The following MB variants were observed in gnomAD, a reference collection of about 807,000 sequenced individuals.
MB encodes the protein myoglobin, also known as nitrite reductase MB.
MB carries 10 observed loss-of-function variants against 14.5 expected under a neutral mutation model. The ratio of observed to expected loss-of-function variants is 0.69; its 90% CI spans 0.43 to 1.17. The LOEUF is 1.17. Among genes scored for constraint, MB ranks in the 50% most tolerant of loss-of-function variants. The pLI, the probability that MB is intolerant of heterozygous loss-of-function variation, is 0.00. For missense variants in MB, 169 were observed against 192.7 expected (o/e 0.88, Z 0.73); for synonymous variants, 89 against 78.6 (o/e 1.13, Z -0.70).
chr22:35,617,065 C>T, intron 1 of MB, 98 bp downstream of exon 1: 2 of 888,500 alleles, frequency 2.3e-6, no homozygotes, highest in Non-Finnish European at 3.8e-6. Context: ...CTAATGCAGC[C>T]AACTGACCTA....
At chr22:35,612,791 C>T (rs765948701) in intron 1 of MB, among the ~76,000 whole-genome samples, 3 of 152,182 alleles carry the variant, frequency 2.0e-5, no homozygotes, top group Admixed American at 1.3e-4. Flanking sequence ...AAACTGATAC[C>T]TACATGGACA....
chr22:35,611,869 A>G (rs1922659457), intron 1 of MB, among the ~76,000 whole-genome samples: 1 of 151,968 alleles, frequency 6.6e-6, no homozygotes, highest in Admixed American at 6.5e-5. Flanking sequence ...CCAGCTTTAG[A>G]CCTCAGTCCT....
chr22:35,610,171 C>T (rs1215534611), intron 2 of MB, among the ~76,000 whole-genome samples: 1 of 152,218 alleles, frequency 6.6e-6, no homozygotes, highest in Non-Finnish European at 1.5e-5. Flanking sequence ...GCTCCCTCCT[C>T]TCCCCAAATC....
At chr22:35,614,162 A>C (rs1168033086) in intron 1 of MB, among the ~76,000 whole-genome samples, 1 of 152,152 alleles carries the variant, frequency 6.6e-6, no homozygotes, top group Non-Finnish European at 1.5e-5. Flanking sequence ...CCAATTGGAC[A>C]CTCACATGGA....
At chr22:35,611,537 A>G (rs936651661) in intron 1 of MB, among the ~76,000 whole-genome samples, 1 of 152,148 alleles carries the variant, frequency 6.6e-6, no homozygotes, top group Non-Finnish European at 1.5e-5. Flanking sequence ...TCAGCTGCTT[A>G]AATACCTCTA....
chr22:35,612,086 C>T (rs1922675429), intron 1 of MB, among the ~76,000 whole-genome samples: 1 of 152,166 alleles, frequency 6.6e-6, no homozygotes, highest in Non-Finnish European at 1.5e-5. Context: ...TCATAACTCC[C>T]ACCCTTTCCC....
chr22:35,610,380 C>T (rs1922516152), intron 2 of MB, among the ~76,000 whole-genome samples: 1 of 152,176 alleles, frequency 6.6e-6, no homozygotes, highest in Non-Finnish European at 1.5e-5. Flanking sequence ...CAAATTGAGC[C>T]CCACTTGCTG....
At chr22:35,612,346 A>G (rs1922693227) in intron 1 of MB, among the ~76,000 whole-genome samples, 1 of 152,162 alleles carries the variant, frequency 6.6e-6, no homozygotes, top group African/African-American at 2.4e-5. Context: ...TGAGGAGGGT[A>G]TTTCACAACC....
intron 2 of MB, 150 bp from the exon 3 acceptor site, chr22:35,607,593 C>T (rs531221501): frequency 1.3e-5 from 9 of 676,678 alleles, no homozygotes; most frequent in African/African-American, 9.0e-5. Context: ...GTGATCTCCA[C>T]GGATGAACCC....
chr22:35,612,457 G>A (rs1473203494), intron 1 of MB, among the ~76,000 whole-genome samples: 1 of 152,160 alleles, frequency 6.6e-6, no homozygotes, highest in Non-Finnish European at 1.5e-5. Flanking sequence ...AGGCTGGAGT[G>A]CAGTGGTGCA....
upstream of MB, among the ~76,000 whole-genome samples, chr22:35,618,195 G>C (rs943376021): frequency 1.3e-5 from 2 of 152,152 alleles, no homozygotes; most frequent in African/African-American, 4.8e-5. Flanking sequence ...GAGAAAGTAG[G>C]GAAACATCAC....
chr22:35,607,483 G>A, intron 2 of MB, 40 bp from the exon 3 acceptor site: 1 of 1,600,816 alleles, frequency 6.2e-7, no homozygotes, highest in Non-Finnish European at 8.5e-7. Context: ...CACCAGGGTG[G>A]GACAAGCCAG....
chr22:35,623,136 C>T (rs1247818682), intron 1 of MB: 1 of 152,400 alleles, frequency 6.6e-6, no homozygotes, highest in African/African-American at 2.4e-5. Flanking sequence ...GACACTTTTA[C>T]AAGCGTCACT....
At chr22:35,618,413 G>A (rs1477575443), upstream of MB, among the ~76,000 whole-genome samples, 1 of 152,152 alleles carries the variant, frequency 6.6e-6, no homozygotes, top group African/African-American at 2.4e-5. Flanking sequence ...AGTGGAGGAT[G>A]ATTAGCCTTA....
At position 35,608,441 on chromosome 22, in the gene MB, C is replaced by T. The variant is rs963217051; in HGVS notation, c.319-998G>A. Among the ~76,000 whole-genome samples, 1 of 152,176 alleles carries T rather than the reference C, an allele frequency of 6.6e-6. No individual in the cohort carries two copies. Among genetic ancestry groups the T allele is most frequent in the African/African-American group, 2.4e-5 (1 of 41,446 alleles). On this transcript the variant is annotated intron_variant, in intron 2 of 2. Coordinates refer to ENST00000397326, the MANE Select transcript of MB (RefSeq NM_005368.3). This position sits in a 1 kb window ranked among gnomAD's most constrained non-coding sequence, Gnocchi z 4.3. ...ACCAAGGCTGGGTTTCTCGTTTTCTCAGGGCCCCAGGGTGCAAGTGACATA... is the reference window on the plus strand; with the variant it reads ...ACCAAGGCTGGGTTTCTCGTTTTCTTAGGGCCCCAGGGTGCAAGTGACATA...
chr22:35,613,572 T>C lies in MB; in HGVS notation c.96-2466A>G, dbSNP rs183214195. ...GTGCAGTGGTGTGATCTTGGCTCAC[T>C]GGAGCCTCAATCTCCTGGGCCCAAG... On this transcript the variant is annotated intron_variant, in intron 1 of 2. Transcript: ENST00000397326. Among the ~76,000 whole-genome samples, 21 of 152,362 alleles carry C rather than the reference T, an allele frequency of 1.4e-4. No individual in the cohort carries two copies. In the South Asian group the frequency reaches 2.5e-3, roughly 18 times the overall value.
chr22:35,613,255 G>C (rs180765712), intron 1 of MB, among the ~76,000 whole-genome samples: 3 of 152,232 alleles, frequency 2.0e-5, no homozygotes, highest in African/African-American at 7.2e-5. Flanking sequence ...AAGGCAGCTG[G>C]GGGTCTCAGA....
Position 35,608,603 on chromosome 22 carries a change from A to G in MB, c.319-1160T>C, listed in dbSNP as rs1467035690. Among the ~76,000 whole-genome samples, 3 of 152,154 alleles carry G rather than the reference A, an allele frequency of 2.0e-5. No individual in the cohort carries two copies. Among genetic ancestry groups the G allele is most frequent in the African/African-American group, 7.2e-5 (3 of 41,432 alleles). On this transcript the variant is annotated intron_variant, in intron 2 of 2. Transcript: ENST00000397326. The surrounding 1 kb of genome is among the most constrained non-coding windows in gnomAD (Gnocchi z 4.3). ...GGCATCAAGGTGGATGCTTGACTTC[A>G]CCTTCCATTTCATGAATGCCACAAA...
chr22:35,622,007 C>G (rs753135045), upstream of MB: 2 of 152,274 alleles, frequency 1.3e-5, no homozygotes, highest in Non-Finnish European at 2.9e-5. Context: ...GCACCTGGCC[C>G]ACAGTTTTTA....
Sources: allele counts gnomAD v4.1 joint callset (sites outside exome capture counted in the v4.1 genomes callset), GRCh38; gene constraint gnomAD v4.1.1; non-coding constraint Gnocchi (gnomAD v3.1); transcripts MANE v1.5; gene names NCBI Gene and HGNC (gene_info 2026-07-23, HGNC 2026-07-21).